The following CC2D2B variants were observed in gnomAD, a reference collection of about 807,000 sequenced individuals.
CC2D2B encodes protein CC2D2B.
CC2D2B carries 128 observed loss-of-function variants against 161.2 expected under a neutral mutation model. The ratio of observed to expected loss-of-function variants is 0.79; its 90% CI spans 0.69 to 0.92. The LOEUF is 0.92. Ranked by LOEUF, CC2D2B falls within the 40% of genes least tolerant of loss-of-function variation. The pLI, the probability that CC2D2B is intolerant of heterozygous loss-of-function variation, is 0.00. For missense variants in CC2D2B, 1,173 were observed against 1,375.1 expected (o/e 0.85, Z 2.32); for synonymous variants, 391 against 449.8 (o/e 0.87, Z 1.65).
At chr10:95,962,974 G>A (rs1169336462) in intron 12 of CC2D2B, among the ~76,000 whole-genome samples, 1 of 151,986 alleles carries the variant, frequency 6.6e-6, no homozygotes, top group Non-Finnish European at 1.5e-5. Flanking sequence ...AATGGCTCTG[G>A]ACCCATATTG....
intron 12 of CC2D2B, among the ~76,000 whole-genome samples, chr10:95,962,882 T>C (rs898666295): frequency 3.9e-5 from 6 of 151,954 alleles, no homozygotes; most frequent in Non-Finnish European, 7.4e-5. Flanking sequence ...TTCTAATCCT[T>C]TAAACCAACC....
intron 5 of CC2D2B, among the ~76,000 whole-genome samples, chr10:95,925,829 T>G (rs1411376739): frequency 6.6e-6 from 1 of 152,100 alleles, no homozygotes; most frequent in Non-Finnish European, 1.5e-5. Context: ...ACCAAAGGAT[T>G]TTAGGTTGAT....
At chr10:95,917,455 TTCCA>T (rs2098518460) in intron 2 of CC2D2B, among the ~76,000 whole-genome samples, 1 of 152,122 alleles carries the variant, frequency 6.6e-6, no homozygotes. Context: ...CCTTCCTTCC[TTCCA>T]TCCGTCCGTC....
chr10:96,019,416 C>A, intron 31 of CC2D2B, 79 bp downstream of exon 31: 1 of 1,335,860 alleles, frequency 7.5e-7, no homozygotes, highest in Non-Finnish European at 1.0e-6. Context: ...ACCTGGGGAA[C>A]TTTAAATATA....
At chr10:96,006,039 G>A (rs957821173) in intron 25 of CC2D2B, among the ~76,000 whole-genome samples, 6 of 135,754 alleles carry the variant, frequency 4.4e-5, no homozygotes, top group African/African-American at 1.2e-4. Flanking sequence ...TAATTTGGAA[G>A]ATGTTTGCCT....
chr10:95,995,213 C>A, intron 22 of CC2D2B, 56 bp from the exon 23 acceptor site: 2 of 1,041,302 alleles, frequency 1.9e-6, no homozygotes, highest in Non-Finnish European at 2.7e-6. Flanking sequence ...CCACTCCTAC[C>A]AAAACTAATA....
chr10:96,011,390 C>G (rs2078982956), intron 26 of CC2D2B, among the ~76,000 whole-genome samples: 1 of 152,138 alleles, frequency 6.6e-6, no homozygotes. Context: ...TGACTCATTA[C>G]TTTTGTGATC....
intron 24 of CC2D2B, among the ~76,000 whole-genome samples, chr10:96,002,821 C>G (rs748733328): frequency 2.7e-4 from 41 of 151,944 alleles, no homozygotes; most frequent in Non-Finnish European, 3.1e-4. Flanking sequence ...CCTTAAGCAA[C>G]AAGATTCAAC....
upstream of CC2D2B, chr10:95,907,873 C>T (rs1215466989): frequency 1.3e-5 from 2 of 152,292 alleles, no homozygotes; most frequent in African/African-American, 4.8e-5. Context: ...GCTCCGCTCC[C>T]TCTGGGTCCT....
intron 30 of CC2D2B, among the ~76,000 whole-genome samples, chr10:96,017,332 T>G (rs1463923007): frequency 1.3e-5 from 2 of 152,204 alleles, no homozygotes; most frequent in African/African-American, 4.8e-5. Flanking sequence ...TTGCCAAGCT[T>G]GTTAACTATT....
intron 3 of CC2D2B, among the ~76,000 whole-genome samples, chr10:95,922,687 C>T (rs1161564635): frequency 1.3e-5 from 2 of 152,188 alleles, no homozygotes; most frequent in African/African-American, 4.8e-5. Context: ...AATAGGTCCT[C>T]AATTTTTTAC....
At chr10:95,995,711 A>G (rs1224549672) in intron 23 of CC2D2B, among the ~76,000 whole-genome samples, 1 of 152,216 alleles carries the variant, frequency 6.6e-6, no homozygotes, top group East Asian at 1.9e-4. Flanking sequence ...GCCTCGACGC[A>G]TATCCATGTT....
intron 2 of CC2D2B, among the ~76,000 whole-genome samples, chr10:95,914,954 G>A (rs180964218): frequency 3.9e-5 from 6 of 152,200 alleles, no homozygotes; most frequent in African/African-American, 9.6e-5. Flanking sequence ...TGTGAAGAAC[G>A]TTCTTGGTAT....
At chr10:96,005,077 A>C (rs542460005) in intron 25 of CC2D2B, among the ~76,000 whole-genome samples, 3 of 152,342 alleles carry the variant, frequency 2.0e-5, no homozygotes, top group South Asian at 4.1e-4. Context: ...TAAATGCTGA[A>C]GGTAAAATAT....
chr10:95,955,082 C>T (rs2076528632), intron 10 of CC2D2B, among the ~76,000 whole-genome samples: 1 of 151,846 alleles, frequency 6.6e-6, no homozygotes, highest in Non-Finnish European at 1.5e-5. Context: ...AGATTGATAC[C>T]TGTGCTCAAT....
At chr10:95,991,097 A>C (rs756799620) in intron 20 of CC2D2B, among the ~76,000 whole-genome samples, 21 of 152,364 alleles carry the variant, frequency 1.4e-4, no homozygotes, top group South Asian at 4.1e-4. Flanking sequence ...TAGATGAAAA[A>C]AATAAGAGAG....
Position 95,974,131 on chromosome 10 carries a change from C to A in CC2D2B, c.1918C>A (p.Gln640Lys). 7.3e-6 allele frequency: 9 copies of A among 1,230,470 alleles called. No homozygotes were observed. Among genetic ancestry groups the A allele is most frequent in the Non-Finnish European group, 9.1e-6 (9 of 986,516 alleles). The allele number at this position is 1,230,470 out of a possible 1,614,324, so 76.2% of individuals were successfully genotyped here. Residue 640 changes from glutamine (Q) to lysine (K), a missense_variant, in exon 17 of 35, where the codon CAA (glutamine) becomes AAA (lysine). Coordinates refer to ENST00000646931, the MANE Select transcript of CC2D2B (RefSeq NM_001349008.3). Reference protein sequence around the residue: ...ENGLPLIPMPQSLRSSYCSML... With the variant: ...ENGLPLIPMPKSLRSSYCSML... Reference sequence around the variant, plus strand: ...TGGTCTTCCTCTGATACCTATGCCACAATCATTAAGATCTTCTTACTGCAG... The same window carrying A: ...TGGTCTTCCTCTGATACCTATGCCAAAATCATTAAGATCTTCTTACTGCAG...
intron 2 of CC2D2B, chr10:95,919,575 G>A (rs926489987): frequency 6.6e-6 from 1 of 152,272 alleles, no homozygotes; most frequent in African/African-American, 2.4e-5. Flanking sequence ...CACTGGGACT[G>A]TGCTGGGTCA....
intron 17 of CC2D2B, among the ~76,000 whole-genome samples, chr10:95,980,475 G>A (rs74151224): frequency 0.016 from 2,459 of 152,132 alleles, 59 homozygotes; most frequent in African/African-American, 0.056. Flanking sequence ...TAATCTATTC[G>A]TTAAGATTTA....
Sources: gnomAD v4.1 joint callset for allele counts (sites outside exome capture counted in the v4.1 genomes callset) on GRCh38, gnomAD v4.1.1 for gene constraint, MANE v1.5 for transcripts, NCBI Gene and HGNC (gene_info 2026-07-23, HGNC 2026-07-21) for gene names.